The following EPHB1 variants were observed in gnomAD, a reference collection of about 807,000 sequenced individuals.
The protein encoded by EPHB1 is ephrin type-B receptor 1.
EPHB1 carries 30 observed loss-of-function variants against 94.4 expected under a neutral mutation model. The ratio of observed to expected loss-of-function variants is 0.32; its 90% CI spans 0.24 to 0.43. EPHB1 has a LOEUF of 0.43. Among genes scored for constraint, EPHB1 ranks in the 20% least tolerant of loss-of-function variants. The pLI is 1.00. For synonymous variants in EPHB1, 522 were observed against 489.1 expected, an observed-to-expected ratio of 1.07 and a Z score of -0.89; for missense variants, 1,055 against 1,308.3, an observed-to-expected ratio of 0.81 and a Z score of 2.99.
intron 3 of EPHB1, among the ~76,000 whole-genome samples, chr3:135,043,223 A>G (rs1428310850): frequency 1.3e-5 from 2 of 151,828 alleles, no homozygotes; most frequent in African/African-American, 4.8e-5. Context: ...CTAGGATTTT[A>G]TTTTCTTGTG....
chr3:135,147,369 T>C (rs1941043476), intron 5 of EPHB1, among the ~76,000 whole-genome samples: 1 of 152,248 alleles, frequency 6.6e-6, no homozygotes, highest in African/African-American at 2.4e-5. Context: ...TGCAAACATA[T>C]GTCCACACAG....
chr3:134,815,742 G>T (rs1431712476), intron 1 of EPHB1, among the ~76,000 whole-genome samples: 1 of 151,870 alleles, frequency 6.6e-6, no homozygotes, highest in Non-Finnish European at 1.5e-5. Context: ...CAGCTATTTT[G>T]ATGCCAGGGA....
intron 3 of EPHB1, among the ~76,000 whole-genome samples, chr3:135,013,834 A>G (rs1935701847): frequency 6.6e-6 from 1 of 152,212 alleles, no homozygotes; most frequent in Non-Finnish European, 1.5e-5. Flanking sequence ...TTACACATCA[A>G]TCAAGAGAGC....
At chr3:135,121,098 G>A (rs907933125) in intron 4 of EPHB1, among the ~76,000 whole-genome samples, 1 of 152,162 alleles carries the variant, frequency 6.6e-6, no homozygotes, top group Non-Finnish European at 1.5e-5. Context: ...CCTCATCAGT[G>A]CCTAGTATCC....
intron 1 of EPHB1, among the ~76,000 whole-genome samples, chr3:134,838,656 G>T (rs906946398): frequency 6.6e-6 from 1 of 152,084 alleles, no homozygotes; most frequent in Non-Finnish European, 1.5e-5. Flanking sequence ...TCACTTAATA[G>T]AATATTATAA....
At chr3:135,199,788 ATTGTTGTTG>A (rs1942709765) in intron 11 of EPHB1, among the ~76,000 whole-genome samples, 1 of 152,084 alleles carries the variant, frequency 6.6e-6, no homozygotes, top group Admixed American at 6.6e-5. Context: ...AGACTTTTTG[ATTGTTGTTG>A]TTGTTGCTCC....
chr3:135,087,753 A>G (rs1938410820), intron 3 of EPHB1, among the ~76,000 whole-genome samples: 1 of 152,228 alleles, frequency 6.6e-6, no homozygotes, highest in Admixed American at 6.5e-5. Flanking sequence ...GCCGACACCC[A>G]CTAGAGGTAG....
intron 10 of EPHB1, among the ~76,000 whole-genome samples, chr3:135,180,851 T>C (rs1942134969): frequency 6.6e-6 from 1 of 152,238 alleles, no homozygotes; most frequent in Non-Finnish European, 1.5e-5. Flanking sequence ...TTCTGCAACA[T>C]TCTTCGTCTT....
intron 3 of EPHB1, among the ~76,000 whole-genome samples, chr3:134,956,071 G>T (rs999567888): frequency 1.3e-5 from 2 of 152,108 alleles, no homozygotes; most frequent in African/African-American, 4.8e-5. Context: ...TTTAGCTGAA[G>T]TTGGACTGCA....
intron 3 of EPHB1, 85 bp downstream of exon 3, chr3:134,952,137 A>C: frequency 7.2e-7 from 1 of 1,396,726 alleles, no homozygotes; most frequent in African/African-American, 1.4e-5. Flanking sequence ...TGGGTCATAC[A>C]GGAACAGAAA....
chr3:134,965,437 T>C (rs984905008), intron 3 of EPHB1, among the ~76,000 whole-genome samples: 4 of 152,170 alleles, frequency 2.6e-5, no homozygotes, highest in Non-Finnish European at 4.4e-5. Flanking sequence ...AGGTGGCTCA[T>C]GCCTGTAGTC....
rs1475340967 is a variant in EPHB1 at position 134,795,423 on chromosome 3, G to GCACACC, written c.-199_-194dup. On this transcript the variant is annotated 5_prime_UTR_variant, in exon 1 of 16. Transcript: ENST00000398015. ...CTCCCATAAACACACACACACACAT[G>GCACACC]CACACCCACACCCACGCGCGCCCGC... is the stretch of plus-strand genomic sequence containing the variant. The GCACACC allele has an allele frequency of 3.5e-6, 2 of 564,374 alleles. No individual in the cohort carries two copies. The highest frequency in any genetic ancestry group is 3.3e-5 in the East Asian group (1 of 30,702). 35.0% of individuals were successfully genotyped at this position (564,374 alleles called of 1,614,324 possible).
chr3:134,915,411 AG>A (rs34844368), intron 1 of EPHB1, among the ~76,000 whole-genome samples: 54,614 of 151,940 alleles, frequency 0.36, 10,969 homozygotes, highest in South Asian at 0.56. Flanking sequence ...CTGCAAGCCA[AG>A]GAACACCAGA....
chr3:135,049,744 G>A (rs560003826), intron 3 of EPHB1, among the ~76,000 whole-genome samples: 101 of 152,334 alleles, frequency 6.6e-4, no homozygotes, highest in Middle Eastern at 3.4e-3. Flanking sequence ...TTTATAATAT[G>A]TGATCAGAGA....
At chr3:135,063,721 A>G (rs1393735854) in intron 3 of EPHB1, among the ~76,000 whole-genome samples, 5 of 152,134 alleles carry the variant, frequency 3.3e-5, no homozygotes, top group Non-Finnish European at 1.5e-5. Flanking sequence ...AACTTCTAGT[A>G]CTGTGTTGAA....
In EPHB1 at chr3:134,977,542, C is replaced by T. The variant is rs557662932; in HGVS notation, c.805+25490C>T. 3.9e-5 allele frequency among the ~76,000 whole-genome samples: 6 copies of T among 152,324 alleles called. No homozygotes were observed. In the East Asian group the frequency reaches 9.7e-4, roughly 25 times the overall value. On this transcript the variant is annotated intron_variant, in intron 3 of 15. Coordinates refer to ENST00000398015, the MANE Select transcript of EPHB1 (RefSeq NM_004441.5). ...CCCTTTTTCTCCACATCCCCTGCCT[C>T]CATTTCTCCTGCCATGCTGACCACA...
chr3:134,853,402 A>G (rs1002673571), intron 1 of EPHB1, among the ~76,000 whole-genome samples: 1 of 152,254 alleles, frequency 6.6e-6, no homozygotes, highest in African/African-American at 2.4e-5. Context: ...GAGAAGTGGC[A>G]GACATGTTTT....
intron 6 of EPHB1, among the ~76,000 whole-genome samples, chr3:135,159,529 T>C (rs1280853910): frequency 6.6e-6 from 1 of 152,096 alleles, no homozygotes; most frequent in Non-Finnish European, 1.5e-5. Flanking sequence ...ACTTGGTGAT[T>C]TTCACAGTTT....
intron 15 of EPHB1, among the ~76,000 whole-genome samples, 176 bp downstream of exon 15, chr3:135,249,667 G>A (rs947017121): frequency 1.3e-5 from 2 of 152,218 alleles, no homozygotes; most frequent in African/African-American, 4.8e-5. Context: ...AGGGTGGGAT[G>A]GGGAGGTGGA....
Sources: gnomAD v4.1 joint callset for allele counts (sites outside exome capture counted in the v4.1 genomes callset) on GRCh38, gnomAD v4.1.1 for gene constraint, MANE v1.5 for transcripts, NCBI Gene and HGNC (gene_info 2026-07-23, HGNC 2026-07-21) for gene names.